The following AUTS2 variants were observed in gnomAD, a reference collection of about 807,000 sequenced individuals.
The protein encoded by AUTS2 is autism susceptibility gene 2 protein.
A neutral mutation model predicts 112.4 loss-of-function variants in AUTS2; 17 were observed. The observed-to-expected ratio is 0.15, with a 90% CI of 0.10 to 0.23. The LOEUF is 0.23. AUTS2 is among the 10% of genes least tolerant of loss of function. The pLI, the probability that AUTS2 is intolerant of heterozygous loss-of-function variation, is 1.00. For missense variants in AUTS2, 1,510 were observed against 1,701.6 expected, an observed-to-expected ratio of 0.89 and a Z score of 1.98; for synonymous variants, 751 against 702.7, an observed-to-expected ratio of 1.07 and a Z score of -1.09.
At chr7:70,689,505 G>A (rs1808638106) in intron 5 of AUTS2, among the ~76,000 whole-genome samples, 1 of 151,328 alleles carries the variant, frequency 6.6e-6, no homozygotes, top group Non-Finnish European at 1.5e-5. Flanking sequence ...AGCCAGGCAC[G>A]GTGGCTCATG....
chr7:70,160,863 C>T (rs1389488529), intron 4 of AUTS2, among the ~76,000 whole-genome samples: 2 of 152,128 alleles, frequency 1.3e-5, no homozygotes, highest in East Asian at 1.9e-4. Context: ...TTTGATGGAG[C>T]TGTGATTTGC....
chr7:70,153,384 T>C (rs1807561732), intron 4 of AUTS2, among the ~76,000 whole-genome samples: 1 of 152,268 alleles, frequency 6.6e-6, no homozygotes, highest in East Asian at 1.9e-4. Context: ...TAATCTACAG[T>C]GACATAAAGT....
chr7:70,082,323 T>G (rs1405507764), intron 2 of AUTS2, among the ~76,000 whole-genome samples: 1 of 152,194 alleles, frequency 6.6e-6, no homozygotes. Flanking sequence ...TTAAAAACTT[T>G]TTCGAAATCA....
At chr7:69,929,301 G>A (rs1677330779) in intron 2 of AUTS2, among the ~76,000 whole-genome samples, 2 of 151,420 alleles carry the variant, frequency 1.3e-5, no homozygotes, top group South Asian at 4.2e-4. Flanking sequence ...TCTCTCTAGT[G>A]CTGCTTTTGA....
At chr7:70,435,604 G>A in intron 4 of AUTS2, 148 bp from the exon 5 acceptor site, 1 of 780,584 alleles carries the variant, frequency 1.3e-6, no homozygotes, top group South Asian at 1.7e-5. Context: ...TTGAACTGGA[G>A]AAACTCTTTC....
intron 2 of AUTS2, among the ~76,000 whole-genome samples, chr7:70,113,541 A>G (rs946678028): frequency 3.9e-5 from 6 of 152,220 alleles, no homozygotes; most frequent in African/African-American, 1.4e-4. Flanking sequence ...ACATTCCCCA[A>G]ATTTTGCATA....
intron 5 of AUTS2, among the ~76,000 whole-genome samples, chr7:70,456,057 G>A (rs978194217): frequency 1.5e-4 from 23 of 152,148 alleles, no homozygotes; most frequent in African/African-American, 5.3e-4. Context: ...GGATTGCTGT[G>A]AGGATGTAAT....
chr7:70,219,270 A>C (rs934739015), intron 4 of AUTS2, among the ~76,000 whole-genome samples: 1 of 152,246 alleles, frequency 6.6e-6, no homozygotes, highest in Non-Finnish European at 1.5e-5. Flanking sequence ...ATTTATGACA[A>C]GGTGAAATTG....
chr7:70,086,159 T>C (rs140984080), intron 2 of AUTS2, among the ~76,000 whole-genome samples: 14 of 152,326 alleles, frequency 9.2e-5, no homozygotes, highest in African/African-American at 3.4e-4. Context: ...TTTGCATTTG[T>C]GTATGAATTT....
chr7:69,774,661 A>G (rs62457237), intron 1 of AUTS2, among the ~76,000 whole-genome samples: 2,241 of 152,372 alleles, frequency 0.015, 32 homozygotes, highest in South Asian at 0.022. Flanking sequence ...TTGAGGTGAT[A>G]GAAATATATA....
intron 6 of AUTS2, among the ~76,000 whole-genome samples, chr7:70,748,022 G>GT (rs1788577830): frequency 7.2e-6 from 1 of 138,574 alleles, no homozygotes; most frequent in Non-Finnish European, 1.5e-5. Flanking sequence ...TAGAGATGGG[G>GT]TTTCACCATG....
chr7:70,775,522 C>T (rs1790629216), intron 13 of AUTS2, 136 bp downstream of exon 13: 1 of 720,008 alleles, frequency 1.4e-6, no homozygotes, highest in Non-Finnish European at 2.3e-6. Flanking sequence ...TTGGGTTTTT[C>T]AGATAGTGTG....
chr7:70,784,511 T>G (rs1791302185), intron 15 of AUTS2: 1 of 163,018 alleles, frequency 6.1e-6, no homozygotes, highest in Non-Finnish European at 1.3e-5. Context: ...ATTAATAAGC[T>G]TATTAATGGC....
At chr7:70,382,788 A>G (rs1347048583) in intron 4 of AUTS2, among the ~76,000 whole-genome samples, 1 of 152,094 alleles carries the variant, frequency 6.6e-6, no homozygotes. Context: ...TGTAGTCATC[A>G]CTCACTGCAT....
intron 4 of AUTS2, among the ~76,000 whole-genome samples, chr7:70,371,454 A>T (rs1006120191): frequency 1.3e-5 from 2 of 152,256 alleles, no homozygotes; most frequent in African/African-American, 4.8e-5. Flanking sequence ...GATCAAACAG[A>T]TGTAAGACAT....
chr7:70,390,169 G>A (rs569963245), intron 4 of AUTS2, among the ~76,000 whole-genome samples: 16 of 152,258 alleles, frequency 1.1e-4, no homozygotes, highest in South Asian at 2.1e-4. Flanking sequence ...CTTGAATTAC[G>A]CATTGATAGA....
intron 4 of AUTS2, among the ~76,000 whole-genome samples, chr7:70,426,485 T>A (rs1294390243): frequency 1.3e-5 from 2 of 152,192 alleles, no homozygotes; most frequent in South Asian, 2.1e-4. Flanking sequence ...GCATACCTCC[T>A]TTCTTGAAAA....
intron 5 of AUTS2, among the ~76,000 whole-genome samples, chr7:70,472,256 G>A (rs1297113761): frequency 1.3e-5 from 2 of 152,110 alleles, no homozygotes; most frequent in Non-Finnish European, 2.9e-5. Context: ...ACCGAGTTAC[G>A]ATTTATATGA....
At chr7:69,992,666 T>C (rs1347592419) in intron 2 of AUTS2, among the ~76,000 whole-genome samples, 2 of 152,196 alleles carry the variant, frequency 1.3e-5, no homozygotes, top group African/African-American at 4.8e-5. Context: ...GGAGGATCCC[T>C]TGAGGCCAGG....
Sources: gnomAD v4.1 joint callset for allele counts (sites outside exome capture counted in the v4.1 genomes callset) on GRCh38, gnomAD v4.1.1 for gene constraint, MANE v1.5 for transcripts, NCBI Gene and HGNC (gene_info 2026-07-23, HGNC 2026-07-21) for gene names.